Variants in CLEC16A observed in about 807,000 individuals in gnomAD.
CLEC16A encodes the protein protein CLEC16A.
CLEC16A carries 51 observed loss-of-function variants against 109.5 expected under a neutral mutation model. The observed-to-expected ratio is 0.47, with a 90% CI of 0.37 to 0.59. CLEC16A has a LOEUF of 0.59. CLEC16A is among the 20% of genes least tolerant of loss of function. CLEC16A has a pLI of 0.00. For missense variants in CLEC16A, 1,339 were observed against 1,394.0 expected (o/e 0.96, Z 0.63); for synonymous variants, 673 against 564.2 (o/e 1.19, Z -2.73).
At chr16:11,154,237 T>C (rs898523412) in intron 22 of CLEC16A, among the ~76,000 whole-genome samples, 3 of 152,210 alleles carry the variant, frequency 2.0e-5, no homozygotes, top group Non-Finnish European at 4.4e-5. Flanking sequence ...GGACTTAGAG[T>C]AGATTGAACC....
At chr16:11,168,737 G>C (rs1166452011) in intron 23 of CLEC16A, among the ~76,000 whole-genome samples, 1 of 152,246 alleles carries the variant, frequency 6.6e-6, no homozygotes. Flanking sequence ...TTCCTTGTAG[G>C]GATGGGCCTA....
At chr16:11,049,988 C>T (rs778654623) in intron 17 of CLEC16A, among the ~76,000 whole-genome samples, 6 of 152,204 alleles carry the variant, frequency 3.9e-5, no homozygotes, top group African/African-American at 1.4e-4. Context: ...GCCCATTCAC[C>T]GGGTGTCTCA....
chr16:11,096,948 G>T (rs770702888), intron 19 of CLEC16A, among the ~76,000 whole-genome samples: 12 of 152,104 alleles, frequency 7.9e-5, no homozygotes, highest in Non-Finnish European at 1.8e-4. Flanking sequence ...TCCTTAGGAT[G>T]GTCAGGAAAT....
intron 19 of CLEC16A, among the ~76,000 whole-genome samples, chr16:11,085,901 A>G (rs1004435756): frequency 2.0e-5 from 3 of 152,146 alleles, no homozygotes; most frequent in Non-Finnish European, 4.4e-5. Context: ...CGGGAATCCC[A>G]TTTCAACCTG....
chr16:11,051,690 C>G, intron 18 of CLEC16A, 49 bp downstream of exon 18: 1 of 1,602,666 alleles, frequency 6.2e-7, no homozygotes, highest in South Asian at 1.1e-5. Context: ...TTCTCCAGAA[C>G]CACTCCCAGA....
chr16:11,100,766 G>C (rs185136637), intron 19 of CLEC16A, among the ~76,000 whole-genome samples: 2 of 152,334 alleles, frequency 1.3e-5, no homozygotes, highest in African/African-American at 2.4e-5. Context: ...CACTGTAACT[G>C]TTAGTATCTG....
At chr16:11,103,231 G>A (rs575612767) in intron 19 of CLEC16A, among the ~76,000 whole-genome samples, 8 of 152,200 alleles carry the variant, frequency 5.3e-5, no homozygotes, top group Non-Finnish European at 1.0e-4. Flanking sequence ...GCCCAGTGGC[G>A]CTGCTCTCCA....
At chr16:11,148,839 G>A (rs968799784) in intron 22 of CLEC16A, among the ~76,000 whole-genome samples, 1 of 152,206 alleles carries the variant, frequency 6.6e-6, no homozygotes, top group African/African-American at 2.4e-5. Flanking sequence ...CCTGTGACAG[G>A]TGATGTGCGC....
intron 5 of CLEC16A, 47 bp from the exon 6 acceptor site, chr16:10,972,507 G>T: frequency 6.2e-7 from 1 of 1,600,120 alleles, no homozygotes; most frequent in South Asian, 1.1e-5. Context: ...ACTGTTGTCT[G>T]TTTTTTGCTT....
intron 22 of CLEC16A, among the ~76,000 whole-genome samples, chr16:11,127,599 G>T (rs918807690): frequency 6.6e-6 from 1 of 152,210 alleles, no homozygotes. Context: ...TGGGCATGGC[G>T]GCTCATGCCA....
intron 19 of CLEC16A, among the ~76,000 whole-genome samples, chr16:11,097,094 A>G (rs1044041183): frequency 6.6e-6 from 1 of 152,118 alleles, no homozygotes; most frequent in Non-Finnish European, 1.5e-5. Context: ...CCCCACCCCA[A>G]GTTTGAACTT....
At chr16:11,133,273 A>G (rs2053342374) in intron 22 of CLEC16A, among the ~76,000 whole-genome samples, 1 of 150,980 alleles carries the variant, frequency 6.6e-6, no homozygotes, top group Non-Finnish European at 1.5e-5. Flanking sequence ...CGGGAGGTGG[A>G]GGTTGCAGTG....
At chr16:11,012,201 G>A (rs11074945) in intron 11 of CLEC16A, among the ~76,000 whole-genome samples, 8,605 of 152,216 alleles carry the variant, frequency 0.057, 364 homozygotes, top group Non-Finnish European at 0.086. Context: ...AGTTCATGTG[G>A]CATACTTCTG....
chr16:11,015,338 T>G (rs1410101471), intron 11 of CLEC16A, among the ~76,000 whole-genome samples: 2 of 146,850 alleles, frequency 1.4e-5, no homozygotes, highest in African/African-American at 2.5e-5. Flanking sequence ...GGGTTGGGGG[T>G]GAGGAAGGGG....
rs2042865737 is a variant in CLEC16A at position 10,972,982 on chromosome 16, G to C, written c.649G>C (p.Val217Leu). The change falls in exon 7 of 24, where the codon GTT becomes CTT. Residue 217 changes from valine (V) to leucine (L), a missense_variant. Val to Leu is a conservative substitution (Grantham distance 32). Around this residue, in one of 3 missense-constraint regions of CLEC16A, gnomAD observed 161 missense variants for 267.1 expected, o/e 0.60. Coordinates refer to ENST00000409790, the MANE Select transcript of CLEC16A (RefSeq NM_015226.3). Reference protein sequence around the residue: ...MLHYIRDKTAVPYFSNLVWFI... With the variant: ...MLHYIRDKTALPYFSNLVWFI... ...GCACTACATCCGAGATAAAACTGCTGTTCCTTACTTCTCCAATTTGGTCTG... is the reference window on the plus strand; with the variant it reads ...GCACTACATCCGAGATAAAACTGCTCTTCCTTACTTCTCCAATTTGGTCTG... The C allele has an allele frequency of 1.2e-6, 2 of 1,611,598 alleles. No homozygotes were observed. Among genetic ancestry groups the C allele is most frequent in the Non-Finnish European group, 1.7e-6 (2 of 1,179,312 alleles).
chr16:11,164,786 G>A (rs1304703704), intron 22 of CLEC16A, among the ~76,000 whole-genome samples: 2 of 152,238 alleles, frequency 1.3e-5, no homozygotes, highest in Non-Finnish European at 1.5e-5. Flanking sequence ...GCAGGTTGCA[G>A]GATGCCAACC....
intron 22 of CLEC16A, among the ~76,000 whole-genome samples, chr16:11,160,923 A>C (rs552591754): frequency 6.6e-6 from 1 of 152,314 alleles, no homozygotes; most frequent in Non-Finnish European, 1.5e-5. Flanking sequence ...TTCCTTTTAA[A>C]GAGCTTTCCA....
At chr16:11,111,417 A>G (rs926223799) in intron 19 of CLEC16A, among the ~76,000 whole-genome samples, 1 of 152,136 alleles carries the variant, frequency 6.6e-6, no homozygotes, top group African/African-American at 2.4e-5. Context: ...TTCCAAGAGC[A>G]TTTTTATGAC....
chr16:11,105,045 G>A (rs891184245), intron 19 of CLEC16A, among the ~76,000 whole-genome samples: 1 of 152,154 alleles, frequency 6.6e-6, no homozygotes, highest in Non-Finnish European at 1.5e-5. Context: ...ATCTTTTCTT[G>A]GAAATCTCAA....
Sources: gnomAD v4.1 joint callset for allele counts (sites outside exome capture counted in the v4.1 genomes callset) on GRCh38, gnomAD v4.1.1 for gene constraint, gnomAD v4.1.1 regional missense constraint, MANE v1.5 for transcripts, NCBI Gene and HGNC (gene_info 2026-07-23, HGNC 2026-07-21) for gene names.